The following FIBP variants were observed in gnomAD, a reference collection of about 807,000 sequenced individuals.
FIBP encodes the protein acidic fibroblast growth factor intracellular-binding protein.
A neutral mutation model predicts 40.5 loss-of-function variants in FIBP; 29 were observed. That is an observed-to-expected ratio of 0.72 (90% CI 0.53 to 0.98). FIBP has a LOEUF of 0.98. Among genes scored for constraint, FIBP ranks in the 50% least tolerant of loss-of-function variants. The pLI, the probability that FIBP is intolerant of heterozygous loss-of-function variation, is 0.00. For missense variants in FIBP, 411 were observed against 470.2 expected, an observed-to-expected ratio of 0.87 and a Z score of 1.16; for synonymous variants, 215 against 191.1, an observed-to-expected ratio of 1.13 and a Z score of -1.03.
At position 65,888,078 on chromosome 11, in the gene FIBP, G is replaced by GCCA; in HGVS notation, c.139_140insTGG (p.Gly46_Ala47insVal). On this transcript the variant is annotated inframe_insertion, in exon 2 of 10. Coordinates refer to ENST00000357519, the MANE Select transcript of FIBP (RefSeq NM_004214.5). The stretch of plus-strand genomic sequence containing the variant: ...GTCGCTCTGCAGCACCGCTGCCGTG[G>GCCA]CGCCAGTCTGCTCCAGGATTCCCGA... 1 of 1,605,244 alleles carries GCCA rather than the reference G, an allele frequency of 6.2e-7. No homozygotes were observed. Among genetic ancestry groups the GCCA allele is most frequent in the South Asian group, 1.1e-5 (1 of 90,028 alleles).
chr11:65,886,337 G>A lies in FIBP; in HGVS notation c.497C>T (p.Ser166Phe), dbSNP rs371003071. Residue 166 changes from serine to phenylalanine, a missense_variant, in exon 4 of 10, where the codon TCT (serine) becomes TTT (phenylalanine). Transcript: ENST00000357519. ...AGCTCCTCACCTGGCCAACCGGTCA[G>A]AGAGGAGGAAGTGTTGCTGAATATT... Reference protein sequence around the residue: ...VDNIQQHFLLSDRLARDYAAI... With the variant: ...VDNIQQHFLLFDRLARDYAAI... The A allele has an allele frequency of 1.5e-5, 24 of 1,613,386 alleles. No individual in the cohort carries two copies. Among genetic ancestry groups the A allele is most frequent in the Non-Finnish European group, 2.0e-5 (24 of 1,179,534 alleles).
At chr11:65,885,403 G>A (rs1359362351) in intron 5 of FIBP, 127 bp downstream of exon 5, 3 of 1,186,406 alleles carry the variant, frequency 2.5e-6, no homozygotes, top group Non-Finnish European at 3.6e-6. Context: ...GGCAGGGGGA[G>A]CCTGGGTGGG....
Position 65,884,480 on chromosome 11 carries a change from G to C in FIBP, c.916C>G (p.Pro306Ala), listed in dbSNP as rs748632934. Residue 306 changes from proline (P) to alanine (A), a missense_variant, in exon 9 of 10, where the codon CCC becomes GCC. Coordinates refer to ENST00000357519, the MANE Select transcript of FIBP (RefSeq NM_004214.5). ...FVDLVEKFVE[P>A]CRSDHWPLSD... is the part of the protein sequence containing the mutation. ...AGTGGCCAGTGGTCGGAGCGGCAGGGTTCCACAAACTGCGGGCCCAAGAGA... is the reference window on the plus strand; with the variant it reads ...AGTGGCCAGTGGTCGGAGCGGCAGGCTTCCACAAACTGCGGGCCCAAGAGA... 5 of 1,614,060 alleles carry C rather than the reference G, an allele frequency of 3.1e-6. No individual in the cohort carries two copies. In the African/African-American group the frequency reaches 6.7e-5, roughly 22 times the overall value.
intron 4 of FIBP, chr11:65,885,961 C>A: frequency 2.3e-6 from 1 of 443,792 alleles, no homozygotes; most frequent in Non-Finnish European, 4.1e-6. Context: ...TCTCAACAGC[C>A]CAGCTGGAAA....
intron 6 of FIBP, 25 bp downstream of exon 6, chr11:65,885,053 G>A (rs756394663): frequency 9.2e-5 from 149 of 1,613,032 alleles, no homozygotes; most frequent in East Asian, 1.8e-4. Context: ...TGCAGGCCCC[G>A]CCCCATGGGC....
rs780861847 is a variant in FIBP at position 65,888,463 on chromosome 11, C to T, written c.-45G>A. On this transcript the variant is annotated 5_prime_UTR_variant, in exon 1 of 10. Transcript: ENST00000357519. ...GCGCCCCGAGCAGGAGCGAGCACTG[C>T]TCGGGACTGGCGCGCCGCCTTCAGG... The T allele has an allele frequency of 2.7e-6, 4 of 1,481,300 alleles. No individual in the cohort carries two copies. The East Asian group carries it at 9.9e-5, about 37-fold the overall frequency. 91.8% of individuals were successfully genotyped at this position (1,481,300 alleles called of 1,614,324 possible).
In FIBP at chr11:65,884,673, C is replaced by A; in HGVS notation, c.820-17G>T. 1 of 1,613,418 alleles carries A rather than the reference C, an allele frequency of 6.2e-7. No individual in the cohort carries two copies. The highest frequency in any genetic ancestry group is 1.1e-5 in the South Asian group (1 of 91,068). Reference sequence around the variant, plus strand: ...GGACAGGTTCTGTGGGGCAGGGATCCTTGGAGCTCTGCTTTCTGCCCCAGA... The same window carrying A: ...GGACAGGTTCTGTGGGGCAGGGATCATTGGAGCTCTGCTTTCTGCCCCAGA... On this transcript the variant is annotated splice_polypyrimidine_tract_variant and intron_variant, in intron 7 of 9. Transcript: ENST00000357519.
chr11:65,885,711 A>G, intron 4 of FIBP, 48 bp from the exon 5 acceptor site: 2 of 1,553,468 alleles, frequency 1.3e-6, no homozygotes, highest in Non-Finnish European at 1.7e-6. Context: ...ATTCCTTCTT[A>G]GGAAGCAGCT....
intron 7 of FIBP, 134 bp downstream of exon 7, chr11:65,884,800 TC>T: frequency 7.5e-7 from 1 of 1,328,626 alleles, no homozygotes; most frequent in Non-Finnish European, 1.1e-6. Flanking sequence ...TATGAGCTGC[TC>T]CCGTCAGCGG....
At position 65,885,657 on chromosome 11, in the gene FIBP, A is replaced by G. The variant is rs1218355556; in HGVS notation, c.519T>C (p.Tyr173=). 2 of 1,613,610 alleles carry G rather than the reference A, an allele frequency of 1.2e-6. No individual in the cohort carries two copies. Among genetic ancestry groups the G allele is most frequent in the Admixed American group, 1.7e-5 (1 of 59,976 alleles). ...TGTTAGCAAAGAAGACGATGGCTGC[A>G]TAGTCCCTGCACAGACGAGAGGAGG... ...FLLSDRLARD[Y]AAIVFFANNR... is the part of the protein sequence containing the mutation. Residue 173 remains tyrosine, a synonymous_variant, in exon 5 of 10, where the codon TAT becomes TAC. Coordinates refer to ENST00000357519, the MANE Select transcript of FIBP (RefSeq NM_004214.5).
In FIBP at chr11:65,886,615, C is replaced by T. The variant is rs1006899644; in HGVS notation, c.412-193G>A. The T allele has an allele frequency of 5.5e-6, 3 of 548,092 alleles. No homozygotes were observed. The African/African-American group carries it at 5.7e-5, about 10-fold the overall frequency. 34.0% of individuals were successfully genotyped at this position (548,092 alleles called of 1,614,324 possible). ...TGTTATCAAATCAAATGCTTAGCAA[C>T]TCCTGCTGTATCTTGCCTTGGATAA... is the stretch of plus-strand genomic sequence containing the variant. On this transcript the variant is annotated intron_variant, in intron 3 of 9. Coordinates refer to ENST00000357519, the MANE Select transcript of FIBP (RefSeq NM_004214.5).
chr11:65,887,440 C>A, intron 3 of FIBP, 160 bp downstream of exon 3: 2 of 770,062 alleles, frequency 2.6e-6, no homozygotes, highest in Admixed American at 4.6e-5. Flanking sequence ...AGCAAGACTC[C>A]ATCTCGAAAA....
chr11:65,884,616 G>A lies in FIBP; in HGVS notation c.860C>T (p.Thr287Ile). 6.2e-7 allele frequency: 1 copy of A among 1,614,190 alleles called. No individual in the cohort carries two copies. The highest frequency in any genetic ancestry group is 8.5e-7 in the Non-Finnish European group (1 of 1,180,032). ...CAGGTCTCTGACATCTTTATTGTGG[G>A]TCAGCTTGGCGGCCACGTTCACCAG... ...RGLVNVAAKLTHNKDVRDLFV... is the reference protein window; with the variant it reads ...RGLVNVAAKLIHNKDVRDLFV... Residue 287 changes from threonine to isoleucine, a missense_variant, in exon 8 of 10, where the codon ACC (threonine) becomes ATC (isoleucine). Coordinates refer to ENST00000357519, the MANE Select transcript of FIBP (RefSeq NM_004214.5).
Position 65,887,585 on chromosome 11 carries a change from G to A in FIBP, c.411+15C>T. ...TGTAGATGGGATGCTGTGTCCGTGT[G>A]GATGCAGTGCATACCTGTCTCCGGC... On this transcript the variant is annotated intron_variant, in intron 3 of 9. Transcript: ENST00000357519. 1 of 1,613,582 alleles carries A rather than the reference G, an allele frequency of 6.2e-7. No individual in the cohort carries two copies.
At chr11:65,886,782 G>A in intron 3 of FIBP, 1 of 190,782 alleles carries the variant, frequency 5.2e-6, no homozygotes, top group Non-Finnish European at 1.1e-5. Flanking sequence ...GCTATAAACA[G>A]AAAGCTCACA....
Position 65,886,380 on chromosome 11 carries a change from G to A in FIBP, c.454C>T (p.Arg152Trp), listed in dbSNP as rs11559154. The stretch of plus-strand genomic sequence containing the variant: ...TGAATATTGTCCACCAGGGAGCCCC[G>A]CATTTCCTCTACCACCTTGAAGACC... ...KRVFKVVEEM[R>W]GSLVDNIQQH... Residue 152 changes from arginine to tryptophan, a missense_variant, in exon 4 of 10, where the codon CGG becomes TGG. Arg to Trp is a moderately radical substitution (Grantham distance 101, BLOSUM62 -3). Coordinates refer to ENST00000357519, the MANE Select transcript of FIBP (RefSeq NM_004214.5). The A allele has an allele frequency of 4.7e-5, 76 of 1,613,924 alleles. 1 individual carries two copies. Among genetic ancestry groups the A allele is most frequent in the South Asian group, 4.5e-4 (41 of 91,068 alleles).
rs1180924081 is a variant in FIBP, at chr11:65,885,523, G to T, written c.646+7C>A. ...CGTCCAGGCACCTGGGTCAGTGGGG[G>T]CCTCACCGACGGCTCCAAGGGTCCA... On this transcript the variant is annotated splice_region_variant and intron_variant, in intron 5 of 9. Coordinates refer to ENST00000357519, the MANE Select transcript of FIBP (RefSeq NM_004214.5). The T allele has an allele frequency of 2.5e-6, 4 of 1,612,530 alleles. No homozygotes were observed. The highest frequency in any genetic ancestry group is 2.5e-6 in the Non-Finnish European group (3 of 1,179,044).
chr11:65,886,353 G>T lies in FIBP; in HGVS notation c.481C>A (p.Gln161Lys). The T allele has an allele frequency of 6.2e-7, 1 of 1,613,880 alleles. No individual in the cohort carries two copies. The highest frequency in any genetic ancestry group is 1.1e-5 in the South Asian group (1 of 91,080). Residue 161 changes from glutamine (Q) to lysine (K), a missense_variant, in exon 4 of 10, where the codon CAA (glutamine) becomes AAA (lysine). Coordinates refer to ENST00000357519, the MANE Select transcript of FIBP (RefSeq NM_004214.5). ...MRGSLVDNIQ[Q>K]HFLLSDRLAR... ...AACCGGTCAGAGAGGAGGAAGTGTT[G>T]CTGAATATTGTCCACCAGGGAGCCC...
In FIBP at chr11:65,883,771, G is replaced by A; in HGVS notation, c.*203C>T. 3.9e-6 allele frequency: 3 copies of A among 767,046 alleles called. No individual in the cohort carries two copies. In the South Asian group the frequency reaches 5.0e-5, roughly 13 times the overall value. 47.5% of individuals were successfully genotyped at this position (767,046 alleles called of 1,614,324 possible). A position where few individuals can be genotyped will look rare whatever the true frequency, so the allele number is the denominator to read the frequency against. ...GTGAGCAGACTCTTCTGGTGGATGG[G>A]CTGAGCACAGACACCATTCCCTGAG... is the stretch of plus-strand genomic sequence containing the variant. On this transcript the variant is annotated 3_prime_UTR_variant, in exon 10 of 10. Coordinates refer to ENST00000357519, the MANE Select transcript of FIBP (RefSeq NM_004214.5).
Sources: gnomAD v4.1 joint callset for allele counts on GRCh38, gnomAD v4.1.1 for gene constraint, MANE v1.5 for transcripts, NCBI Gene and HGNC (gene_info 2026-07-23, HGNC 2026-07-21) for gene names.